Variants in RCN3 observed in about 807,000 individuals in gnomAD.
RCN3 encodes reticulocalbin-3.
RCN3 carries 41 observed loss-of-function variants against 35.9 expected under a neutral mutation model. The ratio of observed to expected loss-of-function variants is 1.14; its 90% confidence interval spans 0.89 to 1.48. The LOEUF (loss-of-function observed/expected upper bound fraction) is 1.48. RCN3 is among the 40% of genes most tolerant of loss of function. The probability of loss-of-function intolerance (pLI) is 0.00; values close to 1 mark genes in which losing one functional copy is unlikely to be tolerated. For synonymous variants in RCN3, 187 were observed against 193.4 expected, an observed-to-expected ratio of 0.97 and a Z score of 0.27; for missense variants, 451 against 471.3, an observed-to-expected ratio of 0.96 and a Z score of 0.40.
At chr19:49,530,715 C>T (rs1055363823) in intron 2 of RCN3, among the ~76,000 whole-genome samples, 4 of 152,042 alleles carry the variant, frequency 2.6e-5, no homozygotes, top group African/African-American at 7.2e-5. Flanking sequence ...AGGCTGGTAT[C>T]GACCTCCTGA....
At chr19:49,538,471 CT>C (rs1202046565) in intron 4 of RCN3, among the ~76,000 whole-genome samples, 2 of 151,650 alleles carry the variant, frequency 1.3e-5, no homozygotes, top group African/African-American at 2.4e-5. Flanking sequence ...CCGGCCATGC[CT>C]GGCTAATTTT....
rs746928509 is a variant in RCN3, at chr19:49,528,731, G to T, written c.242+17G>T. ...CCGTCTGGGGTAAGAGAGACATTCG[G>T]TTGGGGCGTGTCCAGAGGTGGGGCT... On this transcript the variant is annotated intron_variant, in intron 2 of 6. Coordinates refer to ENST00000270645, the MANE Select transcript of RCN3 (RefSeq NM_020650.3). 2.6e-6 allele frequency: 4 copies of T among 1,553,836 alleles called. No individual in the cohort carries two copies. Among genetic ancestry groups the T allele is most frequent in the Non-Finnish European group, 3.5e-6 (4 of 1,147,320 alleles).
chr19:49,533,621 G>A (rs1482332574), intron 2 of RCN3, among the ~76,000 whole-genome samples: 2 of 151,962 alleles, frequency 1.3e-5, no homozygotes, highest in Non-Finnish European at 2.9e-5. Context: ...TCAGCCGGGA[G>A]CAGGCAGGGG....
chr19:49,528,500 C>T lies in RCN3; in HGVS notation c.28C>T (p.Leu10Phe). The stretch of plus-strand genomic sequence containing the variant: ...GATGTGGCGACCATCAGTTCTGCTG[C>T]TTCTGTTGCTACTGAGGCACGGGGC... The part of the protein sequence containing the change: MMWRPSVLL[L>F]LLLLRHGAQG... Residue 10 changes from leucine (L) to phenylalanine (F), a missense_variant, in exon 2 of 7, where the codon CTT (leucine) becomes TTT (phenylalanine). Leu to Phe is a conservative substitution (Grantham distance 22). Transcript: ENST00000270645. 1 of 1,536,430 alleles carries T rather than the reference C, an allele frequency of 6.5e-7. No homozygotes were observed. Among genetic ancestry groups the T allele is most frequent in the South Asian group, 1.3e-5 (1 of 79,372 alleles).
rs757917837 is a variant in RCN3 at position 49,542,732 on chromosome 19, C to T, written c.859C>T (p.His287Tyr). 6.3e-7 allele frequency: 1 copy of T among 1,590,982 alleles called. No individual in the cohort carries two copies. Among genetic ancestry groups the T allele is most frequent in the Non-Finnish European group, 8.5e-7 (1 of 1,170,258 alleles). The part of the protein sequence containing the change: ...QPLVEANHLL[H>Y]ESDTDKDGRL... ...CCTGGTGGAAGCCAACCACCTGCTGCACGAGAGCGACACGGACAAGGTGCA... is the reference window on the plus strand; with the variant it reads ...CCTGGTGGAAGCCAACCACCTGCTGTACGAGAGCGACACGGACAAGGTGCA... The change falls in exon 6 of 7, where the codon CAC becomes TAC. Residue 287 changes from histidine to tyrosine, a missense_variant. Transcript: ENST00000270645.
Position 49,543,390 on chromosome 19 carries a change from A to C in RCN3, c.*177A>C. 1 of 612,376 alleles carries C rather than the reference A, an allele frequency of 1.6e-6. No homozygotes were observed. The highest frequency in any genetic ancestry group is 2.9e-6 in the Non-Finnish European group (1 of 340,650). 37.9% of individuals were successfully genotyped at this position (612,376 alleles called of 1,614,324 possible). ...GGCTTCTGTCCCTGTCACACCCCCA[A>C]CCCCAGGGAGGGGCTGTCATAGTCC... On this transcript the variant is annotated 3_prime_UTR_variant, in exon 7 of 7. Transcript: ENST00000270645.
Position 49,537,206 on chromosome 19 carries a change from G to A in RCN3, c.618+1G>A. 1 of 1,502,108 alleles carries A rather than the reference G, an allele frequency of 6.7e-7. No homozygotes were observed. Among genetic ancestry groups the A allele is most frequent in the African/African-American group, 1.4e-5 (1 of 70,170 alleles). The allele number at this position is 1,502,108 out of a possible 1,614,324, so 93.0% of individuals were successfully genotyped here. ...TCACATGCGGGACATCGTGATTGCTGTGAGTGGCGGCTGGGGAACCCTGTC... is the reference window on the plus strand; with the variant it reads ...TCACATGCGGGACATCGTGATTGCTATGAGTGGCGGCTGGGGAACCCTGTC... On this transcript the variant is annotated splice_donor_variant, in intron 4 of 6. Coordinates refer to ENST00000270645, the MANE Select transcript of RCN3 (RefSeq NM_020650.3). LOFTEE classifies it high-confidence loss of function.
chr19:49,534,533 T>A (rs1303857372), intron 3 of RCN3, 138 bp downstream of exon 3: 2 of 765,566 alleles, frequency 2.6e-6, no homozygotes, highest in East Asian at 6.6e-5. Context: ...TAGGAGCCCA[T>A]AACTGTGAGA....
At chr19:49,533,066 A>G (rs80318811) in intron 2 of RCN3, among the ~76,000 whole-genome samples, 2,653 of 152,172 alleles carry the variant, frequency 0.017, 181 homozygotes, top group East Asian at 0.16. Flanking sequence ...CGTTTTACAG[A>G]GGGGTAACTG....
chr19:49,532,003 G>T (rs571235020), intron 2 of RCN3, among the ~76,000 whole-genome samples: 1 of 148,458 alleles, frequency 6.7e-6, no homozygotes, highest in East Asian at 2.0e-4. Context: ...GGGTTTCGCC[G>T]TGTTAGCCAG....
intron 4 of RCN3, among the ~76,000 whole-genome samples, chr19:49,538,185 C>T (rs1427398749): frequency 1.4e-5 from 2 of 141,922 alleles, no homozygotes; most frequent in Non-Finnish European, 3.0e-5. Context: ...TTTTTTCAGA[C>T]GGAGTCTCGC....
rs753474599 is a variant in RCN3, at chr19:49,542,698, G to A, written c.825G>A (p.Gln275=). 6.3e-7 allele frequency: 1 copy of A among 1,597,036 alleles called. No homozygotes were observed. ...EVGHWVLPPA[Q]DQPLVEANHL... ...GCCACTGGGTGCTGCCCCCTGCCCA[G>A]GACCAGCCCCTGGTGGAAGCCAACC... The change falls in exon 6 of 7, where the codon CAG becomes CAA. Residue 275 remains glutamine (Q), a synonymous_variant. Coordinates refer to ENST00000270645, the MANE Select transcript of RCN3 (RefSeq NM_020650.3).
intron 5 of RCN3, among the ~76,000 whole-genome samples, chr19:49,539,718 A>AT (rs58021494): frequency 0.035 from 4,115 of 119,000 alleles, 112 homozygotes; most frequent in African/African-American, 0.078. Flanking sequence ...CTAACAAGGA[A>AT]TTTTTTTTTT....
chr19:49,536,107 C>A (rs2080133660), intron 3 of RCN3, among the ~76,000 whole-genome samples: 1 of 149,948 alleles, frequency 6.7e-6, no homozygotes. Context: ...CTGCCTCAGC[C>A]TCCCAAGTAG....
chr19:49,532,431 A>G (rs1454400455), intron 2 of RCN3, among the ~76,000 whole-genome samples: 1 of 151,658 alleles, frequency 6.6e-6, no homozygotes, highest in Non-Finnish European at 1.5e-5. Context: ...GCTGGAGTGC[A>G]GTGGCACGAT....
At chr19:49,537,398 G>A (rs2080141631) in intron 4 of RCN3, among the ~76,000 whole-genome samples, 193 bp downstream of exon 4, 1 of 152,066 alleles carries the variant, frequency 6.6e-6, no homozygotes, top group Admixed American at 6.6e-5. Flanking sequence ...AGTCCCCTGG[G>A]GTCTGATCTC....
At chr19:49,540,549 G>A (rs1041835541) in intron 5 of RCN3, among the ~76,000 whole-genome samples, 2 of 151,904 alleles carry the variant, frequency 1.3e-5, no homozygotes, top group African/African-American at 4.8e-5. Flanking sequence ...GAACCCGGGA[G>A]GCAAAGGTTG....
chr19:49,541,112 TAG>T (rs1194454271), intron 5 of RCN3, among the ~76,000 whole-genome samples: 1 of 152,022 alleles, frequency 6.6e-6, no homozygotes, highest in Non-Finnish European at 1.5e-5. Flanking sequence ...GTATTTTTAG[TAG>T]AGACGGGGTT....
At chr19:49,531,471 A>C (rs1056363775) in intron 2 of RCN3, among the ~76,000 whole-genome samples, 2 of 152,152 alleles carry the variant, frequency 1.3e-5, no homozygotes, top group African/African-American at 2.4e-5. Flanking sequence ...GCTTTTCTCC[A>C]ATTGAGAGTA....
Sources: allele counts gnomAD v4.1 joint callset (sites outside exome capture counted in the v4.1 genomes callset), GRCh38; gene constraint gnomAD v4.1.1; transcripts MANE v1.5; gene names NCBI Gene and HGNC (gene_info 2026-07-23, HGNC 2026-07-21).